The following MRTFB variants were observed in gnomAD, a reference collection of about 807,000 sequenced individuals.
MRTFB encodes the protein myocardin-related transcription factor B.
In MRTFB, 29 loss-of-function variants were observed where a neutral mutation model predicts 104.2. That is an observed-to-expected ratio of 0.28 (90% CI 0.21 to 0.38). MRTFB has a LOEUF of 0.38. MRTFB is among the 10% of genes least tolerant of loss of function. The pLI is 1.00. For synonymous variants in MRTFB, 535 were observed against 519.5 expected (o/e 1.03, Z -0.41); for missense variants, 1,270 against 1,341.6 (o/e 0.95, Z 0.83).
intron 8 of MRTFB, among the ~76,000 whole-genome samples, chr16:14,229,259 C>T (rs776407464): frequency 2.2e-4 from 33 of 152,094 alleles, no homozygotes; most frequent in Non-Finnish European, 4.4e-4. Context: ...ATAGTCAGTG[C>T]TAGGTGATAC....
At chr16:14,032,068 A>G in the MRTFB span, among the ~76,000 whole-genome samples, 2,183 of 152,298 alleles carry the variant, frequency 0.014, 47 homozygotes, top group African/African-American at 0.05. Context: ...TCAGCCTCCT[A>G]AAGTGCTAGG....
At chr16:14,014,536 A>G in the MRTFB span, among the ~76,000 whole-genome samples, 1 of 151,746 alleles carries the variant, frequency 6.6e-6, no homozygotes, top group Non-Finnish European at 1.5e-5. Context: ...AACATGGGCA[A>G]CATGGTGAGA....
the MRTFB span, among the ~76,000 whole-genome samples, chr16:14,016,929 T>C: frequency 6.6e-6 from 1 of 152,192 alleles, no homozygotes. Context: ...GGTTTAACTC[T>C]GAGTATGTCA....
At chr16:14,158,971 AT>A (rs1287599033) in intron 3 of MRTFB, among the ~76,000 whole-genome samples, 2 of 143,650 alleles carry the variant, frequency 1.4e-5, no homozygotes, top group Admixed American at 1.4e-4. Context: ...TCTCATAAAG[AT>A]TAAAAAAAAA....
chr16:14,017,711 A>ATATTTTTTTT, the MRTFB span, among the ~76,000 whole-genome samples: 2 of 33,612 alleles, frequency 6.0e-5, no homozygotes, highest in Admixed American at 4.1e-4. Context: ...ATATATATAT[A>ATATTTTTTTT]TTTTTTTTTT....
At chr16:14,189,469 T>C (rs2040081530) in intron 3 of MRTFB, among the ~76,000 whole-genome samples, 2 of 152,222 alleles carry the variant, frequency 1.3e-5, no homozygotes, top group African/African-American at 2.4e-5. Flanking sequence ...TGTTTTACTC[T>C]AAAATACCCT....
At chr16:14,102,695 T>C (rs542802880) in intron 2 of MRTFB, among the ~76,000 whole-genome samples, 3 of 152,372 alleles carry the variant, frequency 2.0e-5, no homozygotes, top group Admixed American at 6.5e-5. Context: ...GTGTTAAAGA[T>C]TGGCTCTTTA....
intron 2 of MRTFB, among the ~76,000 whole-genome samples, chr16:14,097,513 TA>T (rs1427458973): frequency 6.6e-6 from 1 of 152,228 alleles, no homozygotes; most frequent in Non-Finnish European, 1.5e-5. Context: ...GTATGCTAAT[TA>T]AAAAGGGACA....
At chr16:14,061,266 C>A in the MRTFB span, among the ~76,000 whole-genome samples, 1 of 152,190 alleles carries the variant, frequency 6.6e-6, no homozygotes, top group Non-Finnish European at 1.5e-5. Flanking sequence ...ATTTGCCCTG[C>A]CAGAGACACA....
At chr16:14,097,202 C>A (rs1727953184) in intron 2 of MRTFB, among the ~76,000 whole-genome samples, 1 of 152,160 alleles carries the variant, frequency 6.6e-6, no homozygotes, top group Admixed American at 6.5e-5. Context: ...ACAACAATGC[C>A]AGACATAGAG....
intron 14 of MRTFB, 117 bp from the exon 15 acceptor site, chr16:14,252,248 C>G (rs2043286026): frequency 6.1e-6 from 9 of 1,466,884 alleles, no homozygotes; most frequent in Non-Finnish European, 7.3e-6. Flanking sequence ...TTAAAAGAAC[C>G]TGCTCATGAA....
chr16:14,071,928 G>T (rs1033542028), intron 1 of MRTFB, among the ~76,000 whole-genome samples: 1 of 152,066 alleles, frequency 6.6e-6, no homozygotes, highest in Non-Finnish European at 1.5e-5. Context: ...TCTTGGGAGA[G>T]AGTTTTTCCA....
At chr16:14,091,994 C>CAA (rs10523985) in intron 2 of MRTFB, among the ~76,000 whole-genome samples, 28 of 82,064 alleles carry the variant, frequency 3.4e-4, no homozygotes, top group Non-Finnish European at 5.0e-4. Flanking sequence ...GACTTCATCT[C>CAA]AAAAAAAAAA....
In MRTFB at chr16:14,121,055, T is replaced by C. The variant is rs145711029; in HGVS notation, c.-63-19489T>C. ...CTTTTTGATTAACTCTTCTTTAAGC[T>C]GTTGCTCTCTTAAAACCTCACCTCA... On this transcript the variant is annotated intron_variant, in intron 2 of 16. Coordinates refer to ENST00000571589, the MANE Select transcript of MRTFB (RefSeq NM_001308142.2). Among the ~76,000 whole-genome samples, 5 of 152,364 alleles carry C rather than the reference T, an allele frequency of 3.3e-5. No individual in the cohort carries two copies. In the East Asian group the frequency reaches 9.6e-4, roughly 29 times the overall value.
intron 3 of MRTFB, among the ~76,000 whole-genome samples, chr16:14,161,333 G>T (rs1408334771): frequency 6.6e-6 from 1 of 152,014 alleles, no homozygotes; most frequent in African/African-American, 2.4e-5. Flanking sequence ...GCAATATTCA[G>T]TCACCTGATT....
chr16:14,238,028 T>C (rs1213522859), intron 9 of MRTFB, among the ~76,000 whole-genome samples: 1 of 152,190 alleles, frequency 6.6e-6, no homozygotes, highest in Admixed American at 6.5e-5. Context: ...CTTTCAGTTA[T>C]ATGAGTACAG....
upstream of MRTFB, among the ~76,000 whole-genome samples, chr16:14,068,758 G>A (rs935381391): frequency 2.0e-5 from 3 of 152,166 alleles, no homozygotes; most frequent in African/African-American, 7.2e-5. Context: ...GGCTGGTAGA[G>A]CATTACTTCT....
chr16:14,072,456 A>C (rs555218927), intron 1 of MRTFB, among the ~76,000 whole-genome samples: 1 of 152,342 alleles, frequency 6.6e-6, no homozygotes, highest in Non-Finnish European at 1.5e-5. Flanking sequence ...ATTGGTTAAA[A>C]AAAATTAGGA....
At chr16:14,028,055 T>C in the MRTFB span, among the ~76,000 whole-genome samples, 4 of 152,100 alleles carry the variant, frequency 2.6e-5, no homozygotes, top group East Asian at 7.7e-4. Context: ...TGCACACCTG[T>C]AGTACCAGCT....
Sources: allele counts gnomAD v4.1 joint callset (sites outside exome capture counted in the v4.1 genomes callset), GRCh38; gene constraint gnomAD v4.1.1; transcripts MANE v1.5; gene names NCBI Gene and HGNC (gene_info 2026-07-23, HGNC 2026-07-21).